SEMA5A: variants seen among roughly 807,000 people sequenced by gnomAD.
SEMA5A encodes semaphorin 5A.
SEMA5A carries 55 observed loss-of-function variants against 135.5 expected under a neutral mutation model. That is an observed-to-expected ratio of 0.41 (90% CI 0.33 to 0.51). SEMA5A has a LOEUF of 0.51. SEMA5A is among the 20% of genes least tolerant of loss of function. The probability of loss-of-function intolerance (pLI) is 0.37; values close to 1 mark genes in which losing one functional copy is unlikely to be tolerated. For synonymous variants in SEMA5A, 580 were observed against 546.5 expected, an observed-to-expected ratio of 1.06 and a Z score of -0.85; for missense variants, 1,290 against 1,419.9, an observed-to-expected ratio of 0.91 and a Z score of 1.47.
intron 2 of SEMA5A, among the ~76,000 whole-genome samples, chr5:9,398,545 C>T (rs1180727498): frequency 1.3e-5 from 2 of 152,172 alleles, no homozygotes; most frequent in Admixed American, 1.3e-4. Flanking sequence ...AAAATAATTT[C>T]CTAACAGACA....
At chr5:9,184,768 C>T (rs1375201695) in intron 11 of SEMA5A, among the ~76,000 whole-genome samples, 1 of 152,052 alleles carries the variant, frequency 6.6e-6, no homozygotes, top group East Asian at 1.9e-4. Context: ...CATTTCTCTC[C>T]CTTTTTTTTC....
At chr5:9,251,437 A>T (rs935262565) in intron 5 of SEMA5A, among the ~76,000 whole-genome samples, 8 of 152,178 alleles carry the variant, frequency 5.3e-5, no homozygotes, top group African/African-American at 1.9e-4. Flanking sequence ...CTAAAGTTTC[A>T]GCTGTACTGT....
At chr5:9,079,810 T>C (rs1313540474) in intron 16 of SEMA5A, among the ~76,000 whole-genome samples, 1 of 152,154 alleles carries the variant, frequency 6.6e-6, no homozygotes, top group Non-Finnish European at 1.5e-5. Context: ...TCAACATCAC[T>C]GGTCACTAGA....
chr5:9,142,770 C>T (rs1742134732), intron 12 of SEMA5A, among the ~76,000 whole-genome samples: 1 of 152,122 alleles, frequency 6.6e-6, no homozygotes, highest in Admixed American at 6.5e-5. Flanking sequence ...AGTTCAAGAC[C>T]AGCTTGGTCA....
chr5:9,472,764 T>A (rs190761214), intron 1 of SEMA5A, among the ~76,000 whole-genome samples: 2 of 152,230 alleles, frequency 1.3e-5, no homozygotes, highest in Admixed American at 1.3e-4. Flanking sequence ...GCATTCACTA[T>A]CTGAGTATCT....
chr5:9,053,176 C>T (rs1736687426), intron 19 of SEMA5A, among the ~76,000 whole-genome samples: 1 of 152,186 alleles, frequency 6.6e-6, no homozygotes, highest in South Asian at 2.1e-4. Flanking sequence ...TGTCAGTAAA[C>T]CAAGCTATTT....
intron 1 of SEMA5A, among the ~76,000 whole-genome samples, chr5:9,492,532 A>G (rs961931674): frequency 9.8e-5 from 15 of 152,314 alleles, no homozygotes; most frequent in Admixed American, 5.9e-4. Flanking sequence ...GATCCTGGAC[A>G]CCAGACAACC....
intron 21 of SEMA5A, among the ~76,000 whole-genome samples, chr5:9,046,154 C>T (rs1044659628): frequency 6.6e-6 from 1 of 152,182 alleles, no homozygotes; most frequent in Admixed American, 6.5e-5. Flanking sequence ...GCTCAGAGCA[C>T]ATCCTGAGGA....
intron 5 of SEMA5A, among the ~76,000 whole-genome samples, chr5:9,242,117 A>G (rs545075744): frequency 7.9e-5 from 12 of 152,342 alleles, no homozygotes; most frequent in Middle Eastern, 3.4e-3. Context: ...TTGCCATGGC[A>G]ATTATAAACA....
rs1736765718 is a variant in SEMA5A at position 9,054,274 on chromosome 5, T to C, written c.2519-17A>G. On this transcript the variant is annotated splice_polypyrimidine_tract_variant and intron_variant, in intron 18 of 22. Coordinates refer to ENST00000382496, the MANE Select transcript of SEMA5A (RefSeq NM_003966.3). ...CGCCATCCACTGTGAAGAAACACAA[T>C]GTCACAGCTCTTCTATAATCCAATC... The C allele has an allele frequency of 1.2e-6, 2 of 1,607,678 alleles. No homozygotes were observed. Among genetic ancestry groups the C allele is most frequent in the Non-Finnish European group, 1.7e-6 (2 of 1,177,116 alleles).
intron 1 of SEMA5A, among the ~76,000 whole-genome samples, chr5:9,439,513 G>C (rs568743918): frequency 6.6e-6 from 1 of 152,146 alleles, no homozygotes; most frequent in Non-Finnish European, 1.5e-5. Flanking sequence ...CCATGTCTCA[G>C]AACTACATTA....
chr5:9,235,078 A>G (rs1747827047), intron 6 of SEMA5A, among the ~76,000 whole-genome samples: 1 of 152,204 alleles, frequency 6.6e-6, no homozygotes, highest in Non-Finnish European at 1.5e-5. Context: ...GCAAAAGGCA[A>G]CCACATAGAT....
chr5:9,469,891 G>A (rs1439470800), intron 1 of SEMA5A, among the ~76,000 whole-genome samples: 1 of 152,184 alleles, frequency 6.6e-6, no homozygotes, highest in Non-Finnish European at 1.5e-5. Context: ...GGCAAGCTCT[G>A]AGCCAGACAA....
At chr5:9,272,041 T>A (rs1041132249) in intron 5 of SEMA5A, among the ~76,000 whole-genome samples, 16 of 152,044 alleles carry the variant, frequency 1.1e-4, no homozygotes, top group African/African-American at 3.6e-4. Flanking sequence ...GAAAGGGGGC[T>A]GAAGCCTGGG....
intron 1 of SEMA5A, among the ~76,000 whole-genome samples, chr5:9,453,508 C>T (rs1420999408): frequency 2.0e-5 from 3 of 152,012 alleles, no homozygotes; most frequent in East Asian, 3.9e-4. Flanking sequence ...TGTGATGTGC[C>T]CTATGAAGAA....
chr5:9,528,915 GTC>G (rs1478302413), intron 1 of SEMA5A, among the ~76,000 whole-genome samples: 1 of 152,212 alleles, frequency 6.6e-6, no homozygotes, highest in Non-Finnish European at 1.5e-5. Flanking sequence ...GGAGCCACGA[GTC>G]TCTAGATTTC....
intron 1 of SEMA5A, among the ~76,000 whole-genome samples, chr5:9,483,990 C>G (rs116505180): frequency 1.3e-5 from 2 of 152,110 alleles, no homozygotes; most frequent in Non-Finnish European, 2.9e-5. Context: ...ACCAGACAGG[C>G]GCTGGGAGCT....
At chr5:9,509,462 A>G (rs978304437) in intron 1 of SEMA5A, among the ~76,000 whole-genome samples, 3 of 151,768 alleles carry the variant, frequency 2.0e-5, no homozygotes, top group African/African-American at 7.3e-5. Flanking sequence ...TTTAGTAGAG[A>G]CAGGTTTTCA....
At chr5:9,086,171 G>A (rs1229062375) in intron 16 of SEMA5A, among the ~76,000 whole-genome samples, 5 of 152,176 alleles carry the variant, frequency 3.3e-5, no homozygotes, top group Non-Finnish European at 7.3e-5. Context: ...ACTTTGGACT[G>A]TGGACTTTTG....
Sources: allele counts gnomAD v4.1 joint callset (sites outside exome capture counted in the v4.1 genomes callset), GRCh38; gene constraint gnomAD v4.1.1; transcripts MANE v1.5; gene names NCBI Gene and HGNC (gene_info 2026-07-23, HGNC 2026-07-21).